The following SQOR variants were observed in gnomAD, a reference collection of about 807,000 sequenced individuals.
SQOR encodes sulfide quinone oxidoreductase.
SQOR carries 39 observed loss-of-function variants against 48.6 expected under a neutral mutation model. The observed-to-expected ratio is 0.80, with a 90% CI of 0.62 to 1.05. SQOR has a LOEUF of 1.05. SQOR is among the 50% of genes least tolerant of loss of function. The probability of loss-of-function intolerance (pLI) is 0.00; values close to 1 mark genes in which losing one functional copy is unlikely to be tolerated. For synonymous variants in SQOR, 220 were observed against 206.2 expected (o/e 1.07, Z -0.57); for missense variants, 561 against 559.9 (o/e 1.00, Z -0.02).
chr15:45,651,229 C>T (rs960407474), intron 1 of SQOR, among the ~76,000 whole-genome samples: 1 of 152,238 alleles, frequency 6.6e-6, no homozygotes, highest in Admixed American at 6.5e-5. Flanking sequence ...ACCTGGTGCA[C>T]CCTCCGCAGC....
intron 1 of SQOR, among the ~76,000 whole-genome samples, chr15:45,647,907 G>A (rs1022930631): frequency 7.9e-5 from 12 of 152,090 alleles, no homozygotes; most frequent in Non-Finnish European, 1.8e-4. Flanking sequence ...ACAAGTGACA[G>A]AGCAAGACTG....
chr15:45,648,536 T>C (rs773911055), intron 1 of SQOR, among the ~76,000 whole-genome samples: 5 of 152,224 alleles, frequency 3.3e-5, no homozygotes, highest in Non-Finnish European at 7.3e-5. Context: ...AAATATTTGG[T>C]TAAGAGGTGT....
chr15:45,644,072 T>C (rs745903766), intron 1 of SQOR, among the ~76,000 whole-genome samples: 3 of 152,170 alleles, frequency 2.0e-5, no homozygotes, highest in Non-Finnish European at 2.9e-5. Flanking sequence ...AGAGACGGCA[T>C]AGAGACGGCG....
intron 1 of SQOR, among the ~76,000 whole-genome samples, chr15:45,654,848 C>G (rs1201217662): frequency 6.6e-6 from 1 of 152,096 alleles, no homozygotes; most frequent in East Asian, 1.9e-4. Flanking sequence ...ACATAGGGCT[C>G]ACAGATTGGT....
At chr15:45,668,727 T>A (rs1365931334) in intron 3 of SQOR, among the ~76,000 whole-genome samples, 1 of 152,208 alleles carries the variant, frequency 6.6e-6, no homozygotes, top group Non-Finnish European at 1.5e-5. Flanking sequence ...TGCTCTGCCA[T>A]TTAGTACAGG....
chr15:45,659,686 C>T (rs2140948163), intron 2 of SQOR, among the ~76,000 whole-genome samples: 1 of 152,328 alleles, frequency 6.6e-6, no homozygotes, highest in South Asian at 2.1e-4. Flanking sequence ...CCTGTGTCTT[C>T]ACATGACCCT....
intron 3 of SQOR, among the ~76,000 whole-genome samples, chr15:45,666,427 C>T (rs1390181908): frequency 6.6e-6 from 1 of 152,028 alleles, no homozygotes; most frequent in East Asian, 1.9e-4. Context: ...AGAAGGTGCT[C>T]AGTAAATATT....
chr15:45,654,240 C>G (rs562704345), intron 1 of SQOR, among the ~76,000 whole-genome samples: 6 of 152,014 alleles, frequency 3.9e-5, no homozygotes, highest in African/African-American at 1.4e-4. Context: ...GATTATGGTT[C>G]TGGGTTTTCT....
chr15:45,676,690 G>GGCATGTGAGAA (rs1195431889), intron 6 of SQOR, among the ~76,000 whole-genome samples: 1 of 152,190 alleles, frequency 6.6e-6, no homozygotes, highest in Non-Finnish European at 1.5e-5. Flanking sequence ...CTCAATTGGT[G>GGCATGTGAGAA]GCATGTGAGA....
rs554274043 is a variant in SQOR at position 45,661,649 on chromosome 15, G to A, written c.235-306G>A. On this transcript the variant is annotated intron_variant, in intron 2 of 9. Coordinates refer to ENST00000260324, the MANE Select transcript of SQOR (RefSeq NM_021199.4). ...CCATAATATGTGTGTAGATATGCAC[G>A]TGCATATAACATGTACATATTAAAC... 1.2e-3 allele frequency among the ~76,000 whole-genome samples: 184 copies of A among 152,232 alleles called. 1 individual carries two copies. Among genetic ancestry groups the A allele is most frequent in the South Asian group, 0.011 (51 of 4,820 alleles).
chr15:45,678,318 T>C (rs755797707), intron 6 of SQOR, among the ~76,000 whole-genome samples: 4 of 152,334 alleles, frequency 2.6e-5, no homozygotes, highest in African/African-American at 4.8e-5. Context: ...AAAATGGTGA[T>C]TTGCTAACTG....
At chr15:45,664,812 A>C (rs954087065) in intron 3 of SQOR, among the ~76,000 whole-genome samples, 5 of 152,192 alleles carry the variant, frequency 3.3e-5, no homozygotes, top group Non-Finnish European at 5.9e-5. Context: ...ATATAAGCAA[A>C]TACCTATATG....
chr15:45,638,860 G>A (rs1479799250), intron 1 of SQOR, among the ~76,000 whole-genome samples: 4 of 152,050 alleles, frequency 2.6e-5, no homozygotes, highest in Non-Finnish European at 5.9e-5. Context: ...AAAAGGCCAC[G>A]CAAAGGCACA....
At chr15:45,648,214 C>A (rs571227300) in intron 1 of SQOR, among the ~76,000 whole-genome samples, 5 of 151,700 alleles carry the variant, frequency 3.3e-5, no homozygotes, top group Admixed American at 6.6e-5. Flanking sequence ...CTTGCGCCAC[C>A]GTCACCAGGC....
chr15:45,640,535 A>G (rs889306173), intron 1 of SQOR, among the ~76,000 whole-genome samples: 1 of 152,220 alleles, frequency 6.6e-6, no homozygotes, highest in Non-Finnish European at 1.5e-5. Flanking sequence ...CAACTATTAA[A>G]GGATTGAGTT....
intron 1 of SQOR, among the ~76,000 whole-genome samples, chr15:45,650,462 T>C (rs767431811): frequency 1.5e-4 from 23 of 152,332 alleles, no homozygotes; most frequent in Non-Finnish European, 2.9e-4. Flanking sequence ...CAGTGAGTGT[T>C]ACAGCACATA....
intron 6 of SQOR, among the ~76,000 whole-genome samples, chr15:45,678,225 T>C (rs1199816983): frequency 1.3e-5 from 2 of 152,160 alleles, no homozygotes; most frequent in African/African-American, 4.8e-5. Context: ...ACCATGTAAA[T>C]AGTCTACTCA....
chr15:45,680,503 C>T (rs760589002), intron 6 of SQOR, among the ~76,000 whole-genome samples: 19 of 152,126 alleles, frequency 1.2e-4, no homozygotes, highest in East Asian at 1.9e-4. Flanking sequence ...CCCCCACCTC[C>T]CAGCCTCAAG....
At position 45,689,203 on chromosome 15, in the gene SQOR, G is replaced by A. The variant is rs1481382208; in HGVS notation, c.1281G>A (p.Trp427Ter). 3.1e-6 allele frequency: 5 copies of A among 1,613,812 alleles called. No individual in the cohort carries two copies. In the African/African-American group the frequency reaches 4.0e-5, roughly 13 times the overall value. Residue 427 changes from tryptophan (W) to a stop codon, truncating the protein, a stop_gained, in exon 9 of 10, where the codon TGG becomes TGA. Transcript: ENST00000260324. LOFTEE classifies it high-confidence loss of function. Reference protein sequence around the residue: ...MKADLMPFLYWNMMLRGYWGG... With the variant: ...MKADLMPFLY ...CTGACCTGATGCCTTTCCTGTATTG[G>A]AATATGATGCTAAGGTAAGTGCACT...
Sources: gnomAD v4.1 joint callset for allele counts (sites outside exome capture counted in the v4.1 genomes callset) on GRCh38, gnomAD v4.1.1 for gene constraint, MANE v1.5 for transcripts, NCBI Gene and HGNC (gene_info 2026-07-23, HGNC 2026-07-21) for gene names.